The following COL24A1 variants were observed in gnomAD, a reference collection of about 807,000 sequenced individuals.
The protein encoded by COL24A1 is collagen alpha-1(XXIV) chain.
COL24A1 carries 224 observed loss-of-function variants against 253.9 expected under a neutral mutation model. The observed-to-expected ratio is 0.88, with a 90% CI of 0.79 to 0.99. COL24A1 has a LOEUF of 0.99. Among genes scored for constraint, COL24A1 ranks in the 50% least tolerant of loss-of-function variants. The pLI is 0.00. For missense variants in COL24A1, 2,131 were observed against 2,068.5 expected (o/e 1.03, Z -0.59); for synonymous variants, 685 against 673.7 (o/e 1.02, Z -0.26).
intron 43 of COL24A1, among the ~76,000 whole-genome samples, chr1:85,832,523 G>A (rs1675429234): frequency 6.6e-6 from 1 of 150,702 alleles, no homozygotes. Flanking sequence ...GGGCAGTATG[G>A]CCATTTTCAC....
intron 3 of COL24A1, among the ~76,000 whole-genome samples, chr1:86,115,617 C>T (rs539263379): frequency 5.3e-5 from 8 of 152,290 alleles, no homozygotes; most frequent in African/African-American, 1.4e-4. Flanking sequence ...TGGTTACAGC[C>T]ACCGTATCTG....
chr1:86,107,976 T>C (rs1292928124), intron 5 of COL24A1, among the ~76,000 whole-genome samples: 12 of 152,244 alleles, frequency 7.9e-5, no homozygotes, highest in Non-Finnish European at 1.6e-4. Flanking sequence ...TTTTGCAAAA[T>C]AAATGTAAGT....
At chr1:86,134,134 G>C (rs1186481554) in intron 2 of COL24A1, among the ~76,000 whole-genome samples, 1 of 151,896 alleles carries the variant, frequency 6.6e-6, no homozygotes, top group Non-Finnish European at 1.5e-5. Context: ...AGTTTATATG[G>C]GTAGAGGTGT....
chr1:86,092,258 A>G lies in COL24A1; in HGVS notation c.1653+9T>C. ...TTACCATAATTTCATTTCATGGTCA[A>G]ATAATTACCTTTTCTCCAGGAACAG... is the stretch of plus-strand genomic sequence containing the variant. On this transcript the variant is annotated intron_variant, in intron 6 of 59. Transcript: ENST00000370571. The G allele has an allele frequency of 6.3e-7, 1 of 1,584,440 alleles. No individual in the cohort carries two copies.
At chr1:85,784,433 A>C in intron 48 of COL24A1, 67 bp from the exon 49 acceptor site, 1 of 1,201,666 alleles carries the variant, frequency 8.3e-7, no homozygotes. Context: ...TTTTGAATGA[A>C]ACCCAAATAC....
At chr1:86,107,010 C>G (rs963148465) in intron 5 of COL24A1, among the ~76,000 whole-genome samples, 1 of 152,160 alleles carries the variant, frequency 6.6e-6, no homozygotes, top group Admixed American at 6.5e-5. Flanking sequence ...CTATCATTAT[C>G]CACGGGATAA....
At chr1:85,781,556 G>A (rs1282380536) in intron 51 of COL24A1, among the ~76,000 whole-genome samples, 1 of 152,074 alleles carries the variant, frequency 6.6e-6, no homozygotes, top group Admixed American at 6.6e-5. Context: ...CTTCAAAGAT[G>A]CATTTTACAT....
In COL24A1 at chr1:86,083,598, G is replaced by A. The variant is rs924348034; in HGVS notation, c.1707+5576C>T. ...GAGGCAAAGGTGGACTAACAATCGC[G>A]CATAATCATGTAAAAGGCAACATCA... On this transcript the variant is annotated intron_variant, in intron 7 of 59. Coordinates refer to ENST00000370571, the MANE Select transcript of COL24A1 (RefSeq NM_152890.7). 4.6e-5 allele frequency among the ~76,000 whole-genome samples: 7 copies of A among 152,140 alleles called. No individual in the cohort carries two copies. The South Asian group carries it at 1.2e-3, about 27-fold the overall frequency.
intron 24 of COL24A1, among the ~76,000 whole-genome samples, chr1:85,957,263 C>T (rs755912720): frequency 3.9e-5 from 6 of 151,996 alleles, no homozygotes; most frequent in South Asian, 2.1e-4. Context: ...ACCGAGATGA[C>T]GGGTTGATGG....
chr1:85,875,716 GACACACACACACACACACACACAC>G (rs141827930), intron 33 of COL24A1, among the ~76,000 whole-genome samples: 28,220 of 141,032 alleles, frequency 0.2, 3,291 homozygotes, highest in East Asian at 0.44. Flanking sequence ...CATTATAAAA[GACACACACACACACACACACACAC>G]ACACACACAC....
chr1:85,909,917 G>A, intron 26 of COL24A1, 33 bp downstream of exon 26: 1 of 1,572,792 alleles, frequency 6.4e-7, no homozygotes. Context: ...TGCATTCTTT[G>A]GAAACATATT....
intron 47 of COL24A1, among the ~76,000 whole-genome samples, chr1:85,811,665 G>T (rs986686005): frequency 2.0e-5 from 3 of 152,140 alleles, no homozygotes; most frequent in Non-Finnish European, 4.4e-5. Flanking sequence ...CATGTGTGAC[G>T]TGATATCTCA....
At chr1:85,814,848 A>G (rs1240960796) in intron 47 of COL24A1, among the ~76,000 whole-genome samples, 1 of 152,206 alleles carries the variant, frequency 6.6e-6, no homozygotes, top group Non-Finnish European at 1.5e-5. Context: ...AACATCTGAA[A>G]TTGTTCTTAA....
intron 35 of COL24A1, 30 bp from the exon 36 acceptor site, chr1:85,868,865 G>GTTT: frequency 1.4e-6 from 2 of 1,467,072 alleles, no homozygotes; most frequent in Non-Finnish European, 1.8e-6. Context: ...GTATGATTGA[G>GTTT]TTTTTTTTTG....
chr1:86,155,179 G>A (rs1468762436), intron 1 of COL24A1: 1 of 152,200 alleles, frequency 6.6e-6, no homozygotes, highest in Non-Finnish European at 1.5e-5. Flanking sequence ...TGTGCGGGGA[G>A]GTGCATGTGG....
chr1:85,781,296 G>A, intron 51 of COL24A1, 23 bp from the exon 52 acceptor site: 1 of 1,546,840 alleles, frequency 6.5e-7, no homozygotes, highest in Non-Finnish European at 8.8e-7. Context: ...AAGAAAAACA[G>A]TCTCACTGTT....
chr1:86,021,931 T>C (rs1009073618), intron 18 of COL24A1, among the ~76,000 whole-genome samples: 7 of 152,212 alleles, frequency 4.6e-5, no homozygotes, highest in African/African-American at 1.7e-4. Flanking sequence ...TTTAAGGTGC[T>C]TTACATTTTC....
chr1:85,963,657 A>G (rs1025819572), intron 23 of COL24A1, among the ~76,000 whole-genome samples: 1 of 152,142 alleles, frequency 6.6e-6, no homozygotes, highest in Non-Finnish European at 1.5e-5. Context: ...TAATAGCTAC[A>G]TGATGTATTG....
intron 4 of COL24A1, among the ~76,000 whole-genome samples, chr1:86,114,029 A>G (rs6675562): frequency 0.17 from 26,121 of 151,998 alleles, 2,373 homozygotes; most frequent in South Asian, 0.25. Flanking sequence ...GCTCAGTAGT[A>G]CAAACAACAG....
Sources: allele counts gnomAD v4.1 joint callset (sites outside exome capture counted in the v4.1 genomes callset), GRCh38; gene constraint gnomAD v4.1.1; transcripts MANE v1.5; gene names NCBI Gene and HGNC (gene_info 2026-07-23, HGNC 2026-07-21).